The following NLGN4X variants were observed in gnomAD, a reference collection of about 807,000 sequenced individuals.
The protein encoded by NLGN4X is neuroligin-4, X-linked.
Under a neutral mutation model 40.3 loss-of-function variants are expected in NLGN4X, and 3 were observed. The observed-to-expected ratio is 0.07, with a 90% CI of 0.03 to 0.19. The LOEUF is 0.19. Ranked by LOEUF, NLGN4X falls within the 10% of genes least tolerant of loss-of-function variation. The probability of loss-of-function intolerance (pLI) is 1.00; values close to 1 mark genes in which losing one functional copy is unlikely to be tolerated. For missense variants in NLGN4X, 382 were observed against 708.3 expected (o/e 0.54, Z 5.23); for synonymous variants, 270 against 306.8 (o/e 0.88, Z 1.25).
At chrX:6,142,638 C>T (rs769367249) in intron 2 of NLGN4X, among the ~76,000 whole-genome samples, 1 of 111,997 alleles carries the variant, frequency 8.9e-6, no homozygotes, top group Non-Finnish European at 1.9e-5. Context: ...TGACTGTATG[C>T]GTACAATTGG....
At chrX:6,141,297 T>C (rs916203545) in intron 2 of NLGN4X, among the ~76,000 whole-genome samples, 3 of 111,494 alleles carry the variant, frequency 2.7e-5, no homozygotes, top group Non-Finnish European at 3.8e-5. Context: ...AACAATGGCT[T>C]CCAGTACCCC....
intron 1 of NLGN4X, among the ~76,000 whole-genome samples, chrX:6,158,916 G>A (rs1038326629): frequency 8.9e-6 from 1 of 111,944 alleles, no homozygotes; most frequent in Non-Finnish European, 1.9e-5. Flanking sequence ...CTGTTCCTGC[G>A]TTAGTTTGCT....
intron 3 of NLGN4X, among the ~76,000 whole-genome samples, chrX:5,997,827 G>T (rs1233539679): frequency 9.1e-6 from 1 of 109,806 alleles, no homozygotes; most frequent in Non-Finnish European, 1.9e-5. Context: ...ATACAGCACT[G>T]GTTTTGCCAT....
intron 2 of NLGN4X, among the ~76,000 whole-genome samples, chrX:6,145,694 AT>A (rs1191754402): frequency 9.2e-6 from 1 of 108,271 alleles, no homozygotes; most frequent in African/African-American, 3.3e-5. Context: ...AAGCGAATAC[AT>A]TTTTTTTTTG....
chrX:6,192,471 C>G (rs1314830205), intron 1 of NLGN4X, among the ~76,000 whole-genome samples: 1 of 111,258 alleles, frequency 9.0e-6, no homozygotes, highest in Non-Finnish European at 1.9e-5. Flanking sequence ...TTTTATTACC[C>G]ATGTTTGACA....
At chrX:6,140,691 C>T (rs1283022995) in intron 2 of NLGN4X, among the ~76,000 whole-genome samples, 2 of 110,103 alleles carry the variant, frequency 1.8e-5, no homozygotes, top group Non-Finnish European at 3.8e-5. Flanking sequence ...GATCCTCCCG[C>T]CTCATCCCCT....
At chrX:6,136,222 T>C (rs1602297255) in intron 2 of NLGN4X, among the ~76,000 whole-genome samples, 1 of 112,634 alleles carries the variant, frequency 8.9e-6, no homozygotes. Context: ...GGGATTACTG[T>C]GCTCAGCTGA....
At chrX:6,058,233 T>C (rs1328122546) in intron 2 of NLGN4X, among the ~76,000 whole-genome samples, 1 of 111,426 alleles carries the variant, frequency 9.0e-6, no homozygotes. Context: ...CATTGATAGC[T>C]TAGAAATAGT....
At chrX:5,988,670 T>C (rs948890078) in intron 3 of NLGN4X, among the ~76,000 whole-genome samples, 3 of 112,559 alleles carry the variant, frequency 2.7e-5, no homozygotes, top group Non-Finnish European at 5.6e-5. Flanking sequence ...AGACAACACC[T>C]GGCTGCACAG....
At chrX:5,938,525 C>A (rs1221810934) in intron 3 of NLGN4X, among the ~76,000 whole-genome samples, 2 of 110,803 alleles carry the variant, frequency 1.8e-5, no homozygotes, top group Non-Finnish European at 3.8e-5. Flanking sequence ...AGTTCTTTTT[C>A]AAAGTTGGGT....
intron 1 of NLGN4X, among the ~76,000 whole-genome samples, chrX:6,170,655 C>T (rs990070753): frequency 4.4e-5 from 5 of 112,419 alleles, no homozygotes; most frequent in African/African-American, 1.6e-4. Context: ...CATCCCATGA[C>T]CACACTTGCT....
chrX:5,926,867 G>A (rs746325322), intron 3 of NLGN4X, among the ~76,000 whole-genome samples: 1 of 108,655 alleles, frequency 9.2e-6, no homozygotes, highest in South Asian at 4.1e-4. Context: ...TAGAGAGAGA[G>A]AATACAGATA....
rs1374642514 is a variant in NLGN4X at position 5,909,243 on chromosome X, C to T, written c.626-4G>A. 6 of 1,211,161 alleles carry T rather than the reference C, an allele frequency of 5.0e-6. No homozygotes were observed. The highest frequency in any genetic ancestry group is 1.8e-5 in the South Asian group (1 of 56,955). Reference sequence around the variant, plus strand: ...TGGTCACCGGTACTTAAAAACCCTACAAAAGAACACAAGATATTTTTGGTG... The same window carrying T: ...TGGTCACCGGTACTTAAAAACCCTATAAAAGAACACAAGATATTTTTGGTG... On this transcript the variant is annotated splice_region_variant and splice_polypyrimidine_tract_variant and intron_variant, in intron 3 of 5. Transcript: ENST00000381095.
chrX:5,908,595 T>C (rs1435032473), intron 4 of NLGN4X, among the ~76,000 whole-genome samples: 2 of 111,903 alleles, frequency 1.8e-5, no homozygotes, highest in Non-Finnish European at 3.8e-5. Flanking sequence ...CACCTAATTG[T>C]CACACATTTA....
At chrX:6,079,702 C>T (rs922349658) in intron 2 of NLGN4X, among the ~76,000 whole-genome samples, 3 of 112,399 alleles carry the variant, frequency 2.7e-5, no homozygotes, top group African/African-American at 6.5e-5. Flanking sequence ...GTATCTTACA[C>T]ATAGTAAGCA....
At chrX:6,211,633 T>A (rs4826712) in intron 1 of NLGN4X, among the ~76,000 whole-genome samples, 13,647 of 111,199 alleles carry the variant, frequency 0.12, 701 homozygotes, top group African/African-American at 0.19. Context: ...GAATAGATAC[T>A]GTTATTGATA....
At chrX:6,154,296 C>T (rs1395886866) in intron 1 of NLGN4X, among the ~76,000 whole-genome samples, 1 of 112,122 alleles carries the variant, frequency 8.9e-6, no homozygotes, top group Non-Finnish European at 1.9e-5. Context: ...GATTAAGTAT[C>T]TGTAGGTATA....
intron 3 of NLGN4X, among the ~76,000 whole-genome samples, chrX:5,953,063 T>C (rs928539712): frequency 2.2e-4 from 24 of 110,648 alleles, no homozygotes; most frequent in South Asian, 7.9e-4. Context: ...AGCCCAGATA[T>C]TGGGAAACTC....
chrX:6,132,038 T>C (rs1233437180), intron 2 of NLGN4X, among the ~76,000 whole-genome samples: 1 of 111,577 alleles, frequency 9.0e-6, no homozygotes, highest in African/African-American at 3.3e-5. Flanking sequence ...CAAACAAAAA[T>C]GTCTTCCCAC....
Sources: allele counts gnomAD v4.1 joint callset (sites outside exome capture counted in the v4.1 genomes callset), GRCh38; gene constraint gnomAD v4.1.1; transcripts MANE v1.5; gene names NCBI Gene and HGNC (gene_info 2026-07-23, HGNC 2026-07-21).